The following PTPRN2 variants were observed in gnomAD, a reference collection of about 807,000 sequenced individuals.
PTPRN2 encodes receptor-type tyrosine-protein phosphatase N2.
In PTPRN2, 74 loss-of-function variants were observed where a neutral mutation model predicts 118.8. The observed-to-expected ratio is 0.62, with a 90% CI of 0.52 to 0.76. The LOEUF (loss-of-function observed/expected upper bound fraction) is 0.76. Ranked by LOEUF, PTPRN2 falls within the 30% of genes least tolerant of loss-of-function variation. The probability of loss-of-function intolerance (pLI) is 0.00; values close to 1 mark genes in which losing one functional copy is unlikely to be tolerated. For missense variants in PTPRN2, 1,481 were observed against 1,394.4 expected (o/e 1.06, Z -0.99); for synonymous variants, 641 against 608.0 (o/e 1.05, Z -0.80).
At chr7:157,595,993 A>T (rs1330028217) in intron 16 of PTPRN2, among the ~76,000 whole-genome samples, 1 of 152,136 alleles carries the variant, frequency 6.6e-6, no homozygotes. Context: ...TCCAGCCTGC[A>T]AGTGACCCCA....
rs1328842077 is a variant in PTPRN2, at chr7:158,251,877, C to CT, written c.278-46605dup. ...CAGTAAGTGTGCAAATCCTGAAACG[C>CT]TGTAAAACTGGACCTGTGACTTGAA... On this transcript the variant is annotated intron_variant, in intron 3 of 22. Coordinates refer to ENST00000389418, the MANE Select transcript of PTPRN2 (RefSeq NM_002847.5). Among the ~76,000 whole-genome samples the CT allele has an allele frequency of 2.0e-5, 3 of 152,160 alleles. No individual in the cohort carries two copies. The East Asian group carries it at 5.8e-4, about 29-fold the overall frequency.
intron 12 of PTPRN2, among the ~76,000 whole-genome samples, chr7:157,743,427 T>C (rs919812601): frequency 3.9e-5 from 6 of 152,214 alleles, no homozygotes; most frequent in African/African-American, 1.4e-4. Context: ...AGAATTAGGC[T>C]TCCCACCTGC....
chr7:157,655,104 C>T (rs773827903), intron 14 of PTPRN2, among the ~76,000 whole-genome samples: 7 of 152,238 alleles, frequency 4.6e-5, no homozygotes, highest in Non-Finnish European at 1.0e-4. Flanking sequence ...GTGAACACCT[C>T]GGGTTTGATT....
intron 6 of PTPRN2, among the ~76,000 whole-genome samples, chr7:158,162,452 C>A (rs1242621815): frequency 6.6e-6 from 1 of 152,064 alleles, no homozygotes; most frequent in African/African-American, 2.4e-5. Flanking sequence ...AGCCATCGAG[C>A]CATGAAAAGA....
At position 157,545,335 on chromosome 7, in the gene PTPRN2, G is replaced by A. The variant is rs567232493; in HGVS notation, c.2976+3611C>T. ...ATGCGTGGGTGTGTAGGTGTGTGTG[G>A]GGGGTGTGCCTGGGTGTGTGCATGG... On this transcript the variant is annotated intron_variant, in intron 22 of 22. Coordinates refer to ENST00000389418, the MANE Select transcript of PTPRN2 (RefSeq NM_002847.5). Among the ~76,000 whole-genome samples the A allele has an allele frequency of 1.7e-4, 25 of 150,592 alleles. No homozygotes were observed. The South Asian group carries it at 5.3e-3, about 32-fold the overall frequency.
chr7:157,802,775 T>C (rs1805396375), intron 12 of PTPRN2, among the ~76,000 whole-genome samples: 1 of 152,196 alleles, frequency 6.6e-6, no homozygotes, highest in Non-Finnish European at 1.5e-5. Context: ...TACAGAGACG[T>C]ATCTCATCGT....
intron 13 of PTPRN2, among the ~76,000 whole-genome samples, chr7:157,668,587 G>A (rs1291917982): frequency 2.0e-5 from 3 of 152,254 alleles, no homozygotes; most frequent in Admixed American, 1.3e-4. Flanking sequence ...CAGACTGGAC[G>A]TGGCACCAAG....
At chr7:158,341,477 A>T (rs1806769655) in intron 2 of PTPRN2, among the ~76,000 whole-genome samples, 1 of 144,820 alleles carries the variant, frequency 6.9e-6, no homozygotes, top group African/African-American at 2.7e-5. Context: ...TCACACCCAC[A>T]CTCTCACCAT....
intron 13 of PTPRN2, among the ~76,000 whole-genome samples, chr7:157,664,760 C>G (rs918968212): frequency 6.6e-6 from 1 of 152,304 alleles, no homozygotes; most frequent in Non-Finnish European, 1.5e-5. Context: ...CCCTGTCCGC[C>G]TACACCCGCC....
chr7:158,400,638 G>T (rs962041779), intron 2 of PTPRN2, among the ~76,000 whole-genome samples: 4 of 152,122 alleles, frequency 2.6e-5, no homozygotes, highest in African/African-American at 9.7e-5. Flanking sequence ...GGGGCGCTGG[G>T]AGTTGCCCTC....
intron 22 of PTPRN2, among the ~76,000 whole-genome samples, chr7:157,542,926 C>T (rs1798082868): frequency 6.6e-6 from 1 of 152,088 alleles, no homozygotes; most frequent in African/African-American, 2.4e-5. Flanking sequence ...ATCATCTTGT[C>T]CTTTATCGTG....
rs192666624 is a variant in PTPRN2 at position 157,680,846 on chromosome 7, C to T, written c.2001+1879G>A. Among the ~76,000 whole-genome samples the T allele has an allele frequency of 1.2e-3, 182 of 152,270 alleles. 1 individual carries two copies. Among genetic ancestry groups the T allele is most frequent in the African/African-American group, 4.3e-3 (177 of 41,552 alleles). ...TATTAATCTGGATTGAAGAAAAGCA[C>T]ACATTTCATTTATTGTCTGGATTAC... On this transcript the variant is annotated intron_variant, in intron 13 of 22. Transcript: ENST00000389418.
Position 157,903,111 on chromosome 7 carries a change from A to T in PTPRN2, c.1724-4374T>A, listed in dbSNP as rs1797562822. 6.6e-6 allele frequency among the ~76,000 whole-genome samples: 1 copy of T among 152,120 alleles called. No homozygotes were observed. Among genetic ancestry groups the T allele is most frequent in the Non-Finnish European group, 1.5e-5 (1 of 68,024 alleles). On this transcript the variant is annotated intron_variant, in intron 11 of 22. Coordinates refer to ENST00000389418, the MANE Select transcript of PTPRN2 (RefSeq NM_002847.5). The surrounding 1 kb of genome is among the most constrained non-coding windows in gnomAD (Gnocchi z 4.2). Reference sequence around the variant, plus strand: ...ACTCTCACACGGAAGCAGGAACCAGACATCATCAGAGAGCCACACGCTGCC... The same window carrying T: ...ACTCTCACACGGAAGCAGGAACCAGTCATCATCAGAGAGCCACACGCTGCC...
intron 1 of PTPRN2, among the ~76,000 whole-genome samples, chr7:158,516,342 A>C (rs2129447398): frequency 6.6e-6 from 1 of 152,318 alleles, no homozygotes; most frequent in Admixed American, 6.5e-5. Context: ...AATTTTAAAA[A>C]ATAAATGAAA....
chr7:158,157,151 C>T (rs897610526), intron 6 of PTPRN2, among the ~76,000 whole-genome samples: 13 of 151,516 alleles, frequency 8.6e-5, no homozygotes, highest in African/African-American at 3.2e-4. Context: ...AAGGCCTCCC[C>T]ATTGTGCTAA....
rs1860476 is a variant in PTPRN2 at position 157,807,765 on chromosome 7, A to G, written c.1788+90908T>C. 6.1e-3 allele frequency among the ~76,000 whole-genome samples: 923 copies of G among 152,338 alleles called. 6 individuals are homozygous for G. The highest frequency in any genetic ancestry group is 0.021 in the African/African-American group (864 of 41,590). On this transcript the variant is annotated intron_variant, in intron 12 of 22. Transcript: ENST00000389418. ...GCAAATGCCTGGCCTCCTGCTGTCC[A>G]GCTGCCTTCACTCTGGCCCGGAAGT...
In PTPRN2 at chr7:158,050,733, C is replaced by T. The variant is rs533835566; in HGVS notation, c.1723+30565G>A. Among the ~76,000 whole-genome samples, 11 of 152,334 alleles carry T rather than the reference C, an allele frequency of 7.2e-5. 1 individual carries two copies. In the East Asian group the frequency reaches 1.9e-3, roughly 27 times the overall value. On this transcript the variant is annotated intron_variant, in intron 11 of 22. Transcript: ENST00000389418. ...AGGCCAGGTTCCCACACCATTCTGT[C>T]CCCCACACGACTCTTCCATGCCAGT...
chr7:157,582,384 G>A (rs548596381), intron 17 of PTPRN2, among the ~76,000 whole-genome samples: 9 of 152,300 alleles, frequency 5.9e-5, no homozygotes, highest in Admixed American at 3.3e-4. Flanking sequence ...CAAATGGCCC[G>A]CACGTATGTG....
intron 3 of PTPRN2, among the ~76,000 whole-genome samples, chr7:158,291,195 G>C (rs1205854818): frequency 6.6e-6 from 1 of 152,180 alleles, no homozygotes; most frequent in Non-Finnish European, 1.5e-5. Context: ...TACTCACCAG[G>C]ATCAACCCAC....
Sources: gnomAD v4.1 joint callset for allele counts (sites outside exome capture counted in the v4.1 genomes callset) on GRCh38, gnomAD v4.1.1 for gene constraint, Gnocchi (gnomAD v3.1) non-coding constraint, MANE v1.5 for transcripts, NCBI Gene and HGNC (gene_info 2026-07-23, HGNC 2026-07-21) for gene names.